The following DSTYK variants were observed in gnomAD, a reference collection of about 807,000 sequenced individuals.
DSTYK encodes RIP-homologous kinase.
In DSTYK, 34 loss-of-function variants were observed where a neutral mutation model predicts 98.7. The ratio of observed to expected loss-of-function variants is 0.34; its 90% confidence interval spans 0.26 to 0.46. The LOEUF (loss-of-function observed/expected upper bound fraction) is 0.46. DSTYK is among the 20% of genes least tolerant of loss of function. The probability of loss-of-function intolerance (pLI) is 1.00; values close to 1 mark genes in which losing one functional copy is unlikely to be tolerated. For missense variants in DSTYK, 962 were observed against 1,181.7 expected (o/e 0.81, Z 2.73); for synonymous variants, 462 against 457.3 (o/e 1.01, Z -0.13).
chr1:205,185,021 C>A (rs549476718), intron 2 of DSTYK, among the ~76,000 whole-genome samples: 24 of 151,932 alleles, frequency 1.6e-4, no homozygotes, highest in African/African-American at 5.8e-4. Context: ...GCCAACATGG[C>A]GAAACCCCAT....
chr1:205,169,335 C>T lies in DSTYK; in HGVS notation c.1152G>A (p.Leu384=), dbSNP rs558488025. The T allele has an allele frequency of 1.1e-5, 18 of 1,614,172 alleles. No individual in the cohort carries two copies. The East Asian group carries it at 1.3e-4, about 12-fold the overall frequency. ...ATTCCAGACGTTTGGGAGTGATCTGCAGGTCCCGCTGCATGTCAAATGCCT... is the reference window on the plus strand; with the variant it reads ...ATTCCAGACGTTTGGGAGTGATCTGTAGGTCCCGCTGCATGTCAAATGCCT... ...INQAFDMQRD[L]QITPKRLEYT... Residue 384 remains leucine (L), a synonymous_variant, in exon 3 of 13, where the codon CTG becomes CTA. Transcript: ENST00000367162. The surrounding 1 kb of genome is among the most constrained non-coding windows in gnomAD (Gnocchi z 4.0).
intron 1 of DSTYK, among the ~76,000 whole-genome samples, chr1:205,208,175 C>G (rs1291439674): frequency 6.6e-6 from 1 of 152,190 alleles, no homozygotes; most frequent in South Asian, 2.1e-4. Flanking sequence ...CCACCGCACC[C>G]AGCCTTACTT....
intron 1 of DSTYK, among the ~76,000 whole-genome samples, chr1:205,201,300 T>G (rs913594428): frequency 1.3e-5 from 2 of 151,930 alleles, no homozygotes; most frequent in South Asian, 4.1e-4. Context: ...TTCTCCATGA[T>G]GTGTTTATTT....
Position 205,142,740 on chromosome 1 carries a change from AGTCATTGTCTTTTGTTATT to A in DSTYK, c.*4799_*4817del, listed in dbSNP as rs970555305. On this transcript the variant is annotated 3_prime_UTR_variant, in exon 13 of 13. Transcript: ENST00000367162. ...GGATAAAGACTGAAGTGTGTGCCAA[AGTCATTGTCTTTTGTTATT>A]GCACTTTTATTCTACACACTTAGTA... The A allele has an allele frequency of 3.9e-5, 6 of 152,278 alleles. No individual in the cohort carries two copies. Among genetic ancestry groups the A allele is most frequent in the Non-Finnish European group, 5.9e-5 (4 of 68,042 alleles). 9.4% of individuals were successfully genotyped at this position (152,278 alleles called of 1,614,324 possible).
At chr1:205,183,967 A>C (rs1460469465) in intron 2 of DSTYK, among the ~76,000 whole-genome samples, 2 of 152,194 alleles carry the variant, frequency 1.3e-5, no homozygotes, top group Non-Finnish European at 2.9e-5. Context: ...TGGCCAAGGA[A>C]GCCTCACAAA....
chr1:205,162,292 G>A, intron 5 of DSTYK, 80 bp from the exon 6 acceptor site: 1 of 1,516,096 alleles, frequency 6.6e-7, no homozygotes, highest in South Asian at 1.3e-5. Flanking sequence ...TTCCTTTTCT[G>A]GGTTACCCAT....
intron 2 of DSTYK, among the ~76,000 whole-genome samples, chr1:205,177,810 T>C (rs991035210): frequency 6.6e-6 from 1 of 151,016 alleles, no homozygotes; most frequent in African/African-American, 2.4e-5. Flanking sequence ...GAGGTTGCAG[T>C]GAGCCAAGAT....
chr1:205,159,594 G>A lies in DSTYK; in HGVS notation c.2191C>T (p.Leu731Phe). The change falls in exon 9 of 13, where the codon CTC becomes TTC. Residue 731 changes from leucine to phenylalanine, a missense_variant. Transcript: ENST00000367162. The part of the protein sequence containing the change: ...NYGGGSSIAV[L>F]LIMERLHRDL... ...CGGTGTAGCCGCTCCATAATGAGGA[G>A]CACAGCAATGCTGGAGCCACCACCA... The A allele has an allele frequency of 6.2e-7, 1 of 1,613,354 alleles. No homozygotes were observed. Among genetic ancestry groups the A allele is most frequent in the Non-Finnish European group, 8.5e-7 (1 of 1,179,756 alleles).
intron 2 of DSTYK, among the ~76,000 whole-genome samples, chr1:205,186,908 A>C: frequency 6.6e-6 from 1 of 152,196 alleles, no homozygotes; most frequent in East Asian, 1.9e-4. Context: ...ATAAAGTAGG[A>C]GAAATGATCT....
Position 205,162,951 on chromosome 1 carries a change from G to A in DSTYK, c.1613C>T (p.Thr538Ile). The A allele has an allele frequency of 6.2e-7, 1 of 1,614,018 alleles. No homozygotes were observed. Among genetic ancestry groups the A allele is most frequent in the Non-Finnish European group, 8.5e-7 (1 of 1,179,906 alleles). Residue 538 changes from threonine to isoleucine, a missense_variant, in exon 5 of 13, where the codon ACA becomes ATA. Thr to Ile is a moderately conservative substitution (Grantham distance 89, BLOSUM62 -1). Coordinates refer to ENST00000367162, the MANE Select transcript of DSTYK (RefSeq NM_015375.3). ...TTTGATTTGCTCCCATAGCATCCTT[G>A]TAACTGACGACCCTGAGTGAAACGT... The part of the protein sequence containing the change: ...EVTFHSGSSV[T>I]RMLWEQIKQI...
At chr1:205,200,496 C>A (rs1166467802) in intron 1 of DSTYK, among the ~76,000 whole-genome samples, 1 of 152,054 alleles carries the variant, frequency 6.6e-6, no homozygotes, top group Admixed American at 6.6e-5. Context: ...CTTATCAATG[C>A]CATTTAATCT....
At chr1:205,163,572 A>G in intron 4 of DSTYK, 151 bp downstream of exon 4, 1 of 692,650 alleles carries the variant, frequency 1.4e-6, no homozygotes, top group Non-Finnish European at 2.5e-6. Context: ...TCCCACAGGC[A>G]GTGGTCATGT....
At chr1:205,167,086 T>C (rs1377248966) in intron 3 of DSTYK, among the ~76,000 whole-genome samples, 2 of 152,136 alleles carry the variant, frequency 1.3e-5, no homozygotes, top group Non-Finnish European at 2.9e-5. Context: ...ATGACTGCAA[T>C]TGTTATTAGC....
At chr1:205,188,918 C>A (rs1658631886) in intron 1 of DSTYK, among the ~76,000 whole-genome samples, 2 of 152,030 alleles carry the variant, frequency 1.3e-5, no homozygotes, top group Non-Finnish European at 2.9e-5. Context: ...GAAAGAACTG[C>A]CTATTAGGAT....
chr1:205,206,393 C>A (rs1415856514), intron 1 of DSTYK, among the ~76,000 whole-genome samples: 2 of 151,728 alleles, frequency 1.3e-5, no homozygotes, highest in Non-Finnish European at 2.9e-5. Flanking sequence ...GATTCTCCTG[C>A]CTCAGCCTCC....
chr1:205,186,214 T>C (rs1658554495), intron 2 of DSTYK, among the ~76,000 whole-genome samples: 1 of 152,160 alleles, frequency 6.6e-6, no homozygotes, highest in South Asian at 2.1e-4. Context: ...CAAAGATTAC[T>C]GCCAGAGTTA....
chr1:205,154,187 AC>A (rs746694275), intron 10 of DSTYK, among the ~76,000 whole-genome samples: 167 of 152,086 alleles, frequency 1.1e-3, no homozygotes, highest in Middle Eastern at 3.4e-3. Flanking sequence ...CATAAGTTTA[AC>A]ATTTTTCAAA....
rs1205987960 is a variant in DSTYK at position 205,162,904 on chromosome 1, T to G, written c.1641+19A>C. On this transcript the variant is annotated intron_variant, in intron 5 of 12. Coordinates refer to ENST00000367162, the MANE Select transcript of DSTYK (RefSeq NM_015375.3). ...CCAACTAGGGGCTTTGAAATCTTTC[T>G]CTAAGTAATAATCCCTACCTGTTTG... 1 of 1,593,978 alleles carries G rather than the reference T, an allele frequency of 6.3e-7. No homozygotes were observed. Among genetic ancestry groups the G allele is most frequent in the South Asian group, 1.1e-5 (1 of 90,660 alleles).
chr1:205,210,823 C>G (rs1659347950), intron 1 of DSTYK, among the ~76,000 whole-genome samples: 1 of 152,246 alleles, frequency 6.6e-6, no homozygotes, highest in Admixed American at 6.5e-5. Context: ...CGACTACAGT[C>G]CCATGGCCTC....
Sources: gnomAD v4.1 joint callset for allele counts (sites outside exome capture counted in the v4.1 genomes callset) on GRCh38, gnomAD v4.1.1 for gene constraint, Gnocchi (gnomAD v3.1) non-coding constraint, MANE v1.5 for transcripts, NCBI Gene and HGNC (gene_info 2026-07-23, HGNC 2026-07-21) for gene names.